PRKN: variants seen among roughly 807,000 people sequenced by gnomAD.
PRKN encodes E3 ubiquitin-protein ligase parkin.
A neutral mutation model predicts 59.5 loss-of-function variants in PRKN; 56 were observed. That is an observed-to-expected ratio of 0.94 (90% CI 0.76 to 1.18). PRKN has a LOEUF of 1.18. Ranked by LOEUF, PRKN falls within the 50% of genes most tolerant of loss-of-function variation. The probability of loss-of-function intolerance (pLI) is 0.00; values close to 1 mark genes in which losing one functional copy is unlikely to be tolerated. For synonymous variants in PRKN, 250 were observed against 222.1 expected (o/e 1.13, Z -1.12); for missense variants, 657 against 596.4 (o/e 1.10, Z -1.06).
At chr6:161,606,376 G>C (rs1329160811) in intron 7 of PRKN, among the ~76,000 whole-genome samples, 1 of 152,158 alleles carries the variant, frequency 6.6e-6, no homozygotes, top group Non-Finnish European at 1.5e-5. Context: ...AAGGAGTCTG[G>C]GATGACTTCA....
At chr6:161,986,674 G>A (rs980349975) in intron 5 of PRKN, among the ~76,000 whole-genome samples, 2 of 152,012 alleles carry the variant, frequency 1.3e-5, no homozygotes, top group African/African-American at 2.4e-5. Context: ...CAGGTGCGAC[G>A]AGAGCTTCTG....
chr6:161,742,103 G>A (rs1392557979), intron 7 of PRKN, among the ~76,000 whole-genome samples: 3 of 152,056 alleles, frequency 2.0e-5, no homozygotes, highest in East Asian at 1.9e-4. Flanking sequence ...CTGAGTACCC[G>A]GGATTACAGG....
At chr6:161,904,169 T>A (rs1488720619) in intron 6 of PRKN, among the ~76,000 whole-genome samples, 1 of 151,996 alleles carries the variant, frequency 6.6e-6, no homozygotes, top group African/African-American at 2.4e-5. Flanking sequence ...TTTGGATTAA[T>A]TAAAAAATAA....
intron 1 of PRKN, among the ~76,000 whole-genome samples, chr6:162,627,234 C>T (rs1193405898): frequency 6.6e-6 from 1 of 152,110 alleles, no homozygotes; most frequent in Non-Finnish European, 1.5e-5. Context: ...AAGAATCTAC[C>T]ATACATAATA....
At chr6:161,932,020 G>A (rs901082761) in intron 6 of PRKN, among the ~76,000 whole-genome samples, 1 of 152,092 alleles carries the variant, frequency 6.6e-6, no homozygotes, top group African/African-American at 2.4e-5. Context: ...TCAACCATAT[G>A]TGACTACTTT....
intron 7 of PRKN, among the ~76,000 whole-genome samples, chr6:161,646,362 G>C (rs868405543): frequency 1.2e-3 from 83 of 69,456 alleles, no homozygotes; most frequent in Middle Eastern, 0.017. Flanking sequence ...GGTGGCGTAT[G>C]AGTGACAGTG....
At chr6:161,626,298 G>A in intron 7 of PRKN, among the ~76,000 whole-genome samples, 1 of 152,152 alleles carries the variant, frequency 6.6e-6, no homozygotes, top group East Asian at 1.9e-4. Context: ...ACTTACCAAA[G>A]AAAGGATGGT....
intron 5 of PRKN, among the ~76,000 whole-genome samples, chr6:162,022,009 G>T (rs770433203): frequency 6.6e-6 from 1 of 151,998 alleles, no homozygotes; most frequent in Non-Finnish European, 1.5e-5. Flanking sequence ...CATCCACGTC[G>T]CTGCAAAGGA....
In PRKN at chr6:161,562,881, C is replaced by A. The variant is rs1780509489; in HGVS notation, c.933+6474G>T. 6.6e-6 allele frequency among the ~76,000 whole-genome samples: 1 copy of A among 152,196 alleles called. No individual in the cohort carries two copies. Among genetic ancestry groups the A allele is most frequent in the African/African-American group, 2.4e-5 (1 of 41,442 alleles). ...AATGTAATTTGGATAATGCTAACCC[C>A]TTGCTTAAACCTTCAAGGATTTCCC... On this transcript the variant is annotated intron_variant, in intron 8 of 11. Coordinates refer to ENST00000366898, the MANE Select transcript of PRKN (RefSeq NM_004562.3). The surrounding 1 kb of genome is among the most constrained non-coding windows in gnomAD (Gnocchi z 4.3).
chr6:161,748,114 C>A (rs118093789), intron 7 of PRKN, among the ~76,000 whole-genome samples: 202 of 152,278 alleles, frequency 1.3e-3, no homozygotes, highest in Non-Finnish European at 2.2e-3. Flanking sequence ...GCTCAGACTT[C>A]TGTGTGACAG....
At chr6:161,759,906 C>G (rs934159497) in intron 7 of PRKN, among the ~76,000 whole-genome samples, 3 of 152,092 alleles carry the variant, frequency 2.0e-5, no homozygotes, top group East Asian at 1.9e-4. Flanking sequence ...TGATAGCTCA[C>G]TGAGGTAAAA....
At chr6:161,632,468 T>C (rs1357416090) in intron 7 of PRKN, among the ~76,000 whole-genome samples, 1 of 152,258 alleles carries the variant, frequency 6.6e-6, no homozygotes, top group Non-Finnish European at 1.5e-5. Context: ...CATTTGATCT[T>C]GCTGTTTTTC....
chr6:161,722,230 C>G lies in PRKN; in HGVS notation c.871+63542G>C, dbSNP rs192693378. The stretch of plus-strand genomic sequence containing the variant: ...GGGGGAAAAGCAGGAAAGCACAAAT[C>G]CCCATAATGCCCCCAGCATACAAAT... On this transcript the variant is annotated intron_variant, in intron 7 of 11. Coordinates refer to ENST00000366898, the MANE Select transcript of PRKN (RefSeq NM_004562.3). Among the ~76,000 whole-genome samples the G allele has an allele frequency of 3.7e-4, 54 of 147,896 alleles. 1 individual carries two copies. The highest frequency in any genetic ancestry group is 1.2e-3 in the African/African-American group (51 of 41,418).
intron 1 of PRKN, among the ~76,000 whole-genome samples, chr6:162,482,361 A>G (rs1792349244): frequency 6.6e-6 from 1 of 152,222 alleles, no homozygotes; most frequent in Admixed American, 6.5e-5. Context: ...TACATCTTTT[A>G]CACAAGCAAG....
rs542514825 is a variant in PRKN at position 161,685,013 on chromosome 6, C to A, written c.871+100759G>T. Reference sequence around the variant, plus strand: ...TCAAGACTGGTGGTTAACATGATATCATTGACTATTGGAAACAACTGAAAA... The same window carrying A: ...TCAAGACTGGTGGTTAACATGATATAATTGACTATTGGAAACAACTGAAAA... On this transcript the variant is annotated intron_variant, in intron 7 of 11. Transcript: ENST00000366898. Among the ~76,000 whole-genome samples, 4 of 152,308 alleles carry A rather than the reference C, an allele frequency of 2.6e-5. No individual in the cohort carries two copies. The South Asian group carries it at 8.3e-4, about 32-fold the overall frequency.
At chr6:162,654,313 T>A (rs945064326) in intron 1 of PRKN, among the ~76,000 whole-genome samples, 1 of 152,216 alleles carries the variant, frequency 6.6e-6, no homozygotes, top group Non-Finnish European at 1.5e-5. Flanking sequence ...TCCTATGAGA[T>A]GCATATTACC....
intron 1 of PRKN, chr6:162,571,323 CAAA>C (rs67519540): frequency 1.7e-3 from 205 of 118,946 alleles, no homozygotes; most frequent in East Asian, 0.011. Flanking sequence ...AAACTCATTT[CAAA>C]AAAAAAAAAA....
At chr6:161,570,916 T>C (rs1780863074) in intron 7 of PRKN, among the ~76,000 whole-genome samples, 1 of 152,178 alleles carries the variant, frequency 6.6e-6, no homozygotes, top group Admixed American at 6.5e-5. Flanking sequence ...AATAGAACTA[T>C]TCCTCGATAT....
chr6:161,666,032 C>A (rs1784713743), intron 7 of PRKN, among the ~76,000 whole-genome samples: 2 of 152,190 alleles, frequency 1.3e-5, no homozygotes, highest in African/African-American at 2.4e-5. Context: ...TGGATTCCAT[C>A]CCAGCTGGGC....
Sources: allele counts gnomAD v4.1 joint callset (sites outside exome capture counted in the v4.1 genomes callset), GRCh38; gene constraint gnomAD v4.1.1; non-coding constraint Gnocchi (gnomAD v3.1); transcripts MANE v1.5; gene names NCBI Gene and HGNC (gene_info 2026-07-23, HGNC 2026-07-21).